SAXO1: variants seen among roughly 807,000 people sequenced by gnomAD.
SAXO1 encodes stabilizer of axonemal microtubules 1, also known as 4930500O09Rik.
Under a neutral mutation model 17.5 loss-of-function variants are expected in SAXO1, and 21 were observed. The ratio of observed to expected loss-of-function variants is 1.20; its 90% CI spans 0.85 to 1.72. The LOEUF (loss-of-function observed/expected upper bound fraction) is 1.72, where lower values mean the gene tolerates loss of function less well. Among genes scored for constraint, SAXO1 ranks in the 40% most tolerant of loss-of-function variants. The probability of loss-of-function intolerance (pLI) is 0.00; values close to 1 mark genes in which losing one functional copy is unlikely to be tolerated. For synonymous variants in SAXO1, 274 were observed against 216.5 expected (o/e 1.27, Z -2.33); for missense variants, 843 against 596.0 (o/e 1.41, Z -4.32).
chr9:18,976,881 A>G (rs1833173735), intron 1 of SAXO1, among the ~76,000 whole-genome samples: 1 of 152,250 alleles, frequency 6.6e-6, no homozygotes, highest in African/African-American at 2.4e-5. Flanking sequence ...ACACCAAGTG[A>G]AAGTCCTCAA....
At chr9:19,048,927 T>C (rs539839928) in intron 1 of SAXO1, among the ~76,000 whole-genome samples, 38 of 152,354 alleles carry the variant, frequency 2.5e-4, no homozygotes, top group Non-Finnish European at 2.5e-4. Flanking sequence ...GACTTGCTAT[T>C]ACCTAGCTGC....
chr9:18,992,692 G>C (rs1833858508), intron 1 of SAXO1, among the ~76,000 whole-genome samples: 1 of 152,168 alleles, frequency 6.6e-6, no homozygotes, highest in African/African-American at 2.4e-5. Flanking sequence ...TTTGGAGACA[G>C]ACGTTGGCAC....
upstream of SAXO1, among the ~76,000 whole-genome samples, chr9:19,033,970 G>A (rs930926033): frequency 1.3e-4 from 20 of 152,068 alleles, no homozygotes; most frequent in African/African-American, 4.8e-4. Context: ...ACCTGATCCC[G>A]AGAGCACACC....
intron 1 of SAXO1, among the ~76,000 whole-genome samples, chr9:18,977,414 C>A (rs1563957502): frequency 6.6e-6 from 1 of 152,254 alleles, no homozygotes; most frequent in East Asian, 1.9e-4. Context: ...TTCATTACAA[C>A]CTCATCAGAT....
chr9:19,015,989 G>C (rs961511263), intron 1 of SAXO1, among the ~76,000 whole-genome samples: 1 of 152,110 alleles, frequency 6.6e-6, no homozygotes, highest in East Asian at 1.9e-4. Context: ...CAGCTCTCCA[G>C]TTGATTCTCA....
At chr9:18,936,910 T>G (rs1359833603) in intron 3 of SAXO1, among the ~76,000 whole-genome samples, 1 of 152,118 alleles carries the variant, frequency 6.6e-6, no homozygotes, top group Admixed American at 6.5e-5. Context: ...GTGCTGGCCA[T>G]AGAGTGAAAA....
At chr9:18,979,082 T>C (rs1337106209) in intron 1 of SAXO1, among the ~76,000 whole-genome samples, 2 of 152,218 alleles carry the variant, frequency 1.3e-5, no homozygotes, top group Admixed American at 6.5e-5. Flanking sequence ...GTTGAATCTA[T>C]TCTAGTACCT....
chr9:18,979,547 A>G (rs1303959656), intron 1 of SAXO1, among the ~76,000 whole-genome samples: 1 of 152,198 alleles, frequency 6.6e-6, no homozygotes, highest in Admixed American at 6.5e-5. Flanking sequence ...GCCTGGGGAT[A>G]TGCATGAGGC....
At chr9:18,940,462 A>G (rs1283288321) in intron 3 of SAXO1, among the ~76,000 whole-genome samples, 1 of 152,240 alleles carries the variant, frequency 6.6e-6, no homozygotes, top group Non-Finnish European at 1.5e-5. Context: ...GAGAAACTCA[A>G]CTAAGCACAG....
At position 18,931,557 on chromosome 9, in the gene SAXO1, T is replaced by C. The variant is rs28547255; in HGVS notation, c.422-2502A>G. ...GAAATTGCTAGGTTGTATAGAAAAATCTATCTTTAGCTTTTTAAAAAAGAT... is the reference window on the plus strand; with the variant it reads ...GAAATTGCTAGGTTGTATAGAAAAACCTATCTTTAGCTTTTTAAAAAAGAT... On this transcript the variant is annotated intron_variant, in intron 3 of 3. Coordinates refer to ENST00000380534, the MANE Select transcript of SAXO1 (RefSeq NM_153707.4). 7.1e-3 allele frequency among the ~76,000 whole-genome samples: 1,076 copies of C among 152,288 alleles called. 20 individuals are homozygous for C. Among genetic ancestry groups the C allele is most frequent in the African/African-American group, 0.024 (1,013 of 41,570 alleles).
intron 1 of SAXO1, among the ~76,000 whole-genome samples, chr9:19,000,481 G>C (rs925850755): frequency 6.6e-5 from 10 of 151,858 alleles, no homozygotes; most frequent in African/African-American, 2.4e-4. Flanking sequence ...GAGTGCCTCT[G>C]CCCGCCCACT....
At chr9:18,980,781 G>GAAAAA (rs10640487) in intron 1 of SAXO1, among the ~76,000 whole-genome samples, 1,689 of 83,806 alleles carry the variant, frequency 0.02, 173 homozygotes, top group African/African-American at 0.079. Flanking sequence ...TTAAAAAACT[G>GAAAAA]AAAAAAAAAA....
At chr9:19,033,989 G>A (rs1340552976), upstream of SAXO1, among the ~76,000 whole-genome samples, 1 of 152,150 alleles carries the variant, frequency 6.6e-6, no homozygotes, top group Non-Finnish European at 1.5e-5. Flanking sequence ...CCCCCACCCA[G>A]AAGTCTCCCT....
chr9:18,943,725 C>T (rs1034117418), intron 2 of SAXO1, among the ~76,000 whole-genome samples: 6 of 152,236 alleles, frequency 3.9e-5, no homozygotes, highest in African/African-American at 1.2e-4. Flanking sequence ...CCTAAGCCTA[C>T]ACCCTATTCA....
intron 1 of SAXO1, among the ~76,000 whole-genome samples, chr9:19,020,064 G>A (rs1835160748): frequency 6.7e-6 from 1 of 149,124 alleles, no homozygotes; most frequent in Admixed American, 6.7e-5. Context: ...GCATCCTTCA[G>A]TTGTGGTCTG....
intron 1 of SAXO1, among the ~76,000 whole-genome samples, chr9:19,026,093 T>A (rs899820656): frequency 1.3e-5 from 2 of 152,078 alleles, no homozygotes; most frequent in African/African-American, 4.8e-5. Context: ...TCAAAATAGC[T>A]AGAAGATTAT....
chr9:19,014,535 G>C (rs1305076274), intron 1 of SAXO1, among the ~76,000 whole-genome samples: 2 of 151,174 alleles, frequency 1.3e-5, no homozygotes, highest in Admixed American at 1.3e-4. Context: ...CCTGATAGGA[G>C]TTTTAGAAAA....
At chr9:18,980,552 A>AC in intron 1 of SAXO1, among the ~76,000 whole-genome samples, 2 of 131,514 alleles carry the variant, frequency 1.5e-5, no homozygotes, top group African/African-American at 6.0e-5. Flanking sequence ...GAGGGAGGGA[A>AC]GAGGAAGAAG....
At position 18,952,211 on chromosome 9, in the gene SAXO1, A is replaced by G. The variant is rs1370574535; in HGVS notation, c.39-1274T>C. 2.6e-5 allele frequency among the ~76,000 whole-genome samples: 4 copies of G among 152,170 alleles called. No individual in the cohort carries two copies. The East Asian group carries it at 7.7e-4, about 29-fold the overall frequency. ...TCTCATCATCAGGCACCAGCACATCAGCAAAAACTCCATGCTGGTGTTTTC... is the reference window on the plus strand; with the variant it reads ...TCTCATCATCAGGCACCAGCACATCGGCAAAAACTCCATGCTGGTGTTTTC... On this transcript the variant is annotated intron_variant, in intron 1 of 3. Coordinates refer to ENST00000380534, the MANE Select transcript of SAXO1 (RefSeq NM_153707.4).
Sources: allele counts gnomAD v4.1 joint callset (sites outside exome capture counted in the v4.1 genomes callset), GRCh38; gene constraint gnomAD v4.1.1; transcripts MANE v1.5; gene names NCBI Gene and HGNC (gene_info 2026-07-23, HGNC 2026-07-21).